SLC25A12: variants seen among roughly 807,000 people sequenced by gnomAD.
The protein encoded by SLC25A12 is electrogenic aspartate/glutamate antiporter SLC25A12, mitochondrial.
Under a neutral mutation model 83.3 loss-of-function variants are expected in SLC25A12, and 32 were observed. The observed-to-expected ratio is 0.38, with a 90% confidence interval of 0.29 to 0.52. The LOEUF (loss-of-function observed/expected upper bound fraction) is 0.52. SLC25A12 is among the 20% of genes least tolerant of loss of function. The probability of loss-of-function intolerance (pLI) is 0.84; values close to 1 mark genes in which losing one functional copy is unlikely to be tolerated. For synonymous variants in SLC25A12, 267 were observed against 291.1 expected, an observed-to-expected ratio of 0.92 and a Z score of 0.84; for missense variants, 611 against 835.6, an observed-to-expected ratio of 0.73 and a Z score of 3.31.
chr2:171,837,197 C>T lies in SLC25A12; in HGVS notation c.536G>A (p.Gly179Asp). The part of the protein sequence containing the change: ...KDKSKSGMIS[G>D]LDFSDIMVTI... ...AACCATGATGTCACTGAAATCCAGA[C>T]CAGAAATCATGCCACTTTTGCTTTT... Residue 179 changes from glycine (G) to aspartate (D), a missense_variant, in exon 6 of 18, where the codon GGT becomes GAT. Around this residue, in one of 3 missense-constraint regions of SLC25A12, gnomAD observed 540 missense variants for 777.5 expected, o/e 0.69. Transcript: ENST00000422440. 6.2e-7 allele frequency: 1 copy of T among 1,614,090 alleles called. No individual in the cohort carries two copies. The highest frequency in any genetic ancestry group is 8.5e-7 in the Non-Finnish European group (1 of 1,179,972).
chr2:171,891,665 A>T (rs947702788), intron 2 of SLC25A12, among the ~76,000 whole-genome samples: 14 of 152,232 alleles, frequency 9.2e-5, no homozygotes, highest in African/African-American at 3.4e-4. Flanking sequence ...TACTTAGTCT[A>T]GAACATAAAA....
intron 13 of SLC25A12, among the ~76,000 whole-genome samples, chr2:171,794,507 T>G (rs544899498): frequency 2.6e-5 from 4 of 152,216 alleles, no homozygotes; most frequent in Middle Eastern, 3.4e-3. Context: ...CAAAGCCACA[T>G]TCTATATTCC....
At chr2:171,804,128 T>C (rs1011321864) in intron 13 of SLC25A12, among the ~76,000 whole-genome samples, 4 of 152,186 alleles carry the variant, frequency 2.6e-5, no homozygotes, top group Admixed American at 2.0e-4. Context: ...TATATCCATA[T>C]ATTCAGCAAT....
At chr2:171,788,129 CA>C in intron 15 of SLC25A12, 182 bp from the exon 16 acceptor site, 1 of 599,056 alleles carries the variant, frequency 1.7e-6, no homozygotes. Context: ...GCAGTGTGAT[CA>C]GGGGAAAATT....
intron 2 of SLC25A12, among the ~76,000 whole-genome samples, chr2:171,879,365 T>C (rs956248885): frequency 6.6e-6 from 1 of 152,226 alleles, no homozygotes; most frequent in African/African-American, 2.4e-5. Context: ...TATGTGCTTA[T>C]TTTTGTTGTT....
At chr2:171,891,078 A>G (rs7608126) in intron 2 of SLC25A12, among the ~76,000 whole-genome samples, 124,774 of 152,134 alleles carry the variant, frequency 0.82, 51,548 homozygotes, top group East Asian at 0.93. Flanking sequence ...AGGCTGAGGC[A>G]CACAGATCAC....
chr2:171,792,719 AGGATGG>A (rs1374416611), intron 14 of SLC25A12, among the ~76,000 whole-genome samples: 3 of 152,166 alleles, frequency 2.0e-5, no homozygotes, highest in African/African-American at 7.2e-5. Flanking sequence ...GAATTCAAAA[AGGATGG>A]AAATTGGGAG....
At chr2:171,815,067 G>A (rs1174246450) in intron 10 of SLC25A12, 54 bp downstream of exon 10, 1 of 1,404,498 alleles carries the variant, frequency 7.1e-7, no homozygotes, top group African/African-American at 1.4e-5. Context: ...TCAGTCTGGT[G>A]AGATAATATT....
At chr2:171,830,376 T>G (rs1684405462) in intron 8 of SLC25A12, among the ~76,000 whole-genome samples, 1 of 152,218 alleles carries the variant, frequency 6.6e-6, no homozygotes, top group Non-Finnish European at 1.5e-5. Flanking sequence ...TTTGAAGAGA[T>G]ATTCTCTAAA....
chr2:171,845,153 A>C (rs946933413), intron 4 of SLC25A12, among the ~76,000 whole-genome samples: 2 of 152,140 alleles, frequency 1.3e-5, no homozygotes, highest in Non-Finnish European at 2.9e-5. Flanking sequence ...AGATAAGTTA[A>C]ATTAGTGTTT....
chr2:171,867,658 A>C (rs1201829362), intron 3 of SLC25A12, among the ~76,000 whole-genome samples: 1 of 152,080 alleles, frequency 6.6e-6, no homozygotes, highest in Non-Finnish European at 1.5e-5. Flanking sequence ...AGGGAGAGGG[A>C]GAGCGCCTAA....
chr2:171,870,792 C>G (rs1191340325), intron 2 of SLC25A12, among the ~76,000 whole-genome samples: 3 of 152,178 alleles, frequency 2.0e-5, no homozygotes, highest in Non-Finnish European at 4.4e-5. Flanking sequence ...GTGGTTGCTT[C>G]TAGGAAACAA....
At chr2:171,892,556 T>C (rs1427206689) in intron 2 of SLC25A12, among the ~76,000 whole-genome samples, 2 of 152,096 alleles carry the variant, frequency 1.3e-5, no homozygotes, top group African/African-American at 4.8e-5. Flanking sequence ...ATTTCCTGCA[T>C]AGGAAACTTT....
Position 171,825,569 on chromosome 2 carries a change from GTCTCTC to G in SLC25A12, c.930+1223_930+1228del, listed in dbSNP as rs140552995. 2.7e-5 allele frequency among the ~76,000 whole-genome samples: 4 copies of G among 149,674 alleles called. No homozygotes were observed. The East Asian group carries it at 7.8e-4, about 29-fold the overall frequency. On this transcript the variant is annotated intron_variant, in intron 9 of 17. Transcript: ENST00000422440. Reference sequence around the variant, plus strand: ...TCTATAGCATGCACATTTAGTAACTGTCTCTCTCTCTCTCTCTCTCTGTATCCTGTC... The same window carrying G: ...TCTATAGCATGCACATTTAGTAACTGTCTCTCTCTCTCTCTGTATCCTGTC...
At chr2:171,843,097 A>G in intron 5 of SLC25A12, among the ~76,000 whole-genome samples, 1 of 152,192 alleles carries the variant, frequency 6.6e-6, no homozygotes, top group Non-Finnish European at 1.5e-5. Context: ...CTGGGATTAC[A>G]GGCGTGAGCT....
In SLC25A12 at chr2:171,815,038, G is replaced by A. The variant is rs1468111545; in HGVS notation, c.1012+83C>T. On this transcript the variant is annotated intron_variant, in intron 10 of 17. Coordinates refer to ENST00000422440, the MANE Select transcript of SLC25A12 (RefSeq NM_003705.5). ...TCGTGACCCATGGGAACAATGAACT[G>A]CACCTTTGCTGATCTGCCTCAGTCT... 3 of 1,105,530 alleles carry A rather than the reference G, an allele frequency of 2.7e-6. No individual in the cohort carries two copies. The East Asian group carries it at 7.1e-5, about 26-fold the overall frequency. 68.5% of individuals were successfully genotyped at this position (1,105,530 alleles called of 1,614,324 possible). A position where few individuals can be genotyped will look rare whatever the true frequency, so the allele number is the denominator to read the frequency against.
chr2:171,802,811 C>T (rs1342328819), intron 13 of SLC25A12, among the ~76,000 whole-genome samples: 1 of 152,034 alleles, frequency 6.6e-6, no homozygotes, highest in Admixed American at 6.5e-5. Flanking sequence ...TCTGAAAATG[C>T]ACAATCTGTT....
intron 2 of SLC25A12, among the ~76,000 whole-genome samples, chr2:171,892,619 T>G (rs939138640): frequency 6.6e-6 from 1 of 152,176 alleles, no homozygotes; most frequent in African/African-American, 2.4e-5. Context: ...CTTTTTTTTT[T>G]CTTTTTTCTT....
chr2:171,792,901 A>G (rs1683511295), intron 14 of SLC25A12, among the ~76,000 whole-genome samples: 1 of 152,216 alleles, frequency 6.6e-6, no homozygotes, highest in Non-Finnish European at 1.5e-5. Context: ...TGATGGATCT[A>G]TATCAGATGC....
Sources: allele counts gnomAD v4.1 joint callset (sites outside exome capture counted in the v4.1 genomes callset), GRCh38; gene constraint gnomAD v4.1.1; regional missense constraint gnomAD v4.1.1; transcripts MANE v1.5; gene names NCBI Gene and HGNC (gene_info 2026-07-23, HGNC 2026-07-21).